The following LMNTD1 variants were observed in gnomAD, a reference collection of about 807,000 sequenced individuals.
LMNTD1 encodes lamin tail domain containing 1, also known as lamin tail domain-containing protein 1.
A neutral mutation model predicts 50.9 loss-of-function variants in LMNTD1; 35 were observed. That is an observed-to-expected ratio of 0.69 (90% CI 0.53 to 0.91). LMNTD1 has a LOEUF of 0.91. LMNTD1 is among the 40% of genes least tolerant of loss of function. The probability of loss-of-function intolerance (pLI) is 0.00; values close to 1 mark genes in which losing one functional copy is unlikely to be tolerated. For synonymous variants in LMNTD1, 153 were observed against 161.9 expected (o/e 0.94, Z 0.42); for missense variants, 470 against 475.5 (o/e 0.99, Z 0.11).
chr12:25,519,328 A>G (rs1591882082), intron 7 of LMNTD1, among the ~76,000 whole-genome samples: 4 of 150,886 alleles, frequency 2.7e-5, no homozygotes, highest in South Asian at 2.1e-4. Context: ...GCGGTGGCTC[A>G]CGCCTGTAAT....
intron 1 of LMNTD1, among the ~76,000 whole-genome samples, chr12:25,619,353 A>G (rs1408396186): frequency 6.6e-6 from 1 of 151,926 alleles, no homozygotes; most frequent in Admixed American, 6.6e-5. Flanking sequence ...AAGATTATCA[A>G]TTTGACTTAA....
At chr12:25,498,573 T>G (rs994433431) in intron 9 of LMNTD1, among the ~76,000 whole-genome samples, 11 of 152,168 alleles carry the variant, frequency 7.2e-5, no homozygotes, top group African/African-American at 2.7e-4. Context: ...AGTTGTAGAC[T>G]TGATAGTTGG....
chr12:25,536,591 T>C (rs1942590799), intron 4 of LMNTD1, among the ~76,000 whole-genome samples: 1 of 152,168 alleles, frequency 6.6e-6, no homozygotes, highest in African/African-American at 2.4e-5. Context: ...AAGCTGTACT[T>C]AGAGGAAAGT....
chr12:25,616,093 A>AACACACACAC (rs10564512), intron 1 of LMNTD1, among the ~76,000 whole-genome samples: 20 of 148,610 alleles, frequency 1.3e-4, no homozygotes, highest in African/African-American at 4.7e-4. Context: ...ACACACACAT[A>AACACACACAC]ACACACACAC....
chr12:25,514,397 A>C (rs1488655817), intron 8 of LMNTD1, among the ~76,000 whole-genome samples: 2 of 152,204 alleles, frequency 1.3e-5, no homozygotes, highest in Admixed American at 1.3e-4. Flanking sequence ...TGGAAAAACT[A>C]TCATAAATAA....
At chr12:25,554,935 G>A (rs190653218), upstream of LMNTD1, among the ~76,000 whole-genome samples, 5 of 152,028 alleles carry the variant, frequency 3.3e-5, no homozygotes, top group East Asian at 1.9e-4. Context: ...GTGTGGTGGC[G>A]GGTGCCTGTA....
At chr12:25,543,099 CTAATATCTATTTAAAAA>C (rs1943206912) in intron 4 of LMNTD1, among the ~76,000 whole-genome samples, 1 of 151,834 alleles carries the variant, frequency 6.6e-6, no homozygotes, top group Non-Finnish European at 1.5e-5. Flanking sequence ...TTAGAATAGC[CTAATATCTATTTAAAAA>C]CAATTTATAG....
chr12:25,571,099 AT>A (rs1944769051), intron 1 of LMNTD1, among the ~76,000 whole-genome samples: 1 of 152,250 alleles, frequency 6.6e-6, no homozygotes, highest in East Asian at 1.9e-4. Flanking sequence ...ATCCTTAGTA[AT>A]TTTTAACAAG....
chr12:25,546,222 T>C, intron 4 of LMNTD1, 152 bp downstream of exon 4: 1 of 399,980 alleles, frequency 2.5e-6, no homozygotes, highest in East Asian at 3.8e-5. Flanking sequence ...TTTATTTTAA[T>C]TGCTCAGAAG....
intron 1 of LMNTD1, among the ~76,000 whole-genome samples, chr12:25,601,971 T>A (rs1945988877): frequency 6.6e-6 from 1 of 151,978 alleles, no homozygotes; most frequent in Non-Finnish European, 1.5e-5. Flanking sequence ...AAATGTACAA[T>A]AAATTATTGT....
chr12:25,617,659 C>T (rs1946377023), intron 1 of LMNTD1, among the ~76,000 whole-genome samples: 1 of 152,180 alleles, frequency 6.6e-6, no homozygotes, highest in African/African-American at 2.4e-5. Context: ...ATTTCCTTAA[C>T]ATAATAAAAT....
intron 1 of LMNTD1, among the ~76,000 whole-genome samples, chr12:25,615,129 G>T (rs1224270712): frequency 6.6e-6 from 1 of 152,156 alleles, no homozygotes; most frequent in African/African-American, 2.4e-5. Context: ...ACAAAATGAG[G>T]CTCAGCTAAA....
chr12:25,521,806 G>A (rs534867598), intron 6 of LMNTD1, among the ~76,000 whole-genome samples: 2 of 152,148 alleles, frequency 1.3e-5, no homozygotes, highest in Non-Finnish European at 2.9e-5. Flanking sequence ...AAGAAAACAC[G>A]TTCTTCAGGC....
At chr12:25,493,495 A>G (rs764883244) in intron 9 of LMNTD1, among the ~76,000 whole-genome samples, 2 of 152,310 alleles carry the variant, frequency 1.3e-5, no homozygotes, top group Non-Finnish European at 2.9e-5. Context: ...CCTTGTTTCA[A>G]TTAAATTCAC....
rs199777995 is a variant in LMNTD1, at chr12:25,622,463, G to GCC, written c.58+26029_58+26030dup. ...GTTGCCCTTGACCTTGAGTTTGTGA[G>GCC]CCCGCCCCCCCCCGCAAAATAATAT... On this transcript the variant is annotated intron_variant, in intron 1 of 7. Transcript: ENST00000445693. Among the ~76,000 whole-genome samples the GCC allele has an allele frequency of 4.9e-3, 548 of 110,710 alleles. 7 individuals are homozygous for GCC. The highest frequency in any genetic ancestry group is 6.8e-3 in the South Asian group (23 of 3,374). 72.6% of individuals were successfully genotyped at this position (110,710 alleles called of 152,430 possible).
At chr12:25,572,822 T>C (rs1033257681) in intron 1 of LMNTD1, among the ~76,000 whole-genome samples, 13 of 139,618 alleles carry the variant, frequency 9.3e-5, no homozygotes, top group African/African-American at 2.8e-4. Flanking sequence ...CTCCCTCCCT[T>C]CCTTCTGCCA....
intron 4 of LMNTD1, among the ~76,000 whole-genome samples, chr12:25,538,936 A>G (rs1942840828): frequency 1.4e-5 from 2 of 146,144 alleles, no homozygotes; most frequent in South Asian, 2.2e-4. Flanking sequence ...AGTCTCTGAT[A>G]AAACAGACTT....
chr12:25,647,375 GC>G (rs1947095738), intron 1 of LMNTD1, among the ~76,000 whole-genome samples: 2 of 152,256 alleles, frequency 1.3e-5, no homozygotes, highest in South Asian at 4.1e-4. Flanking sequence ...GTCCTTCCCA[GC>G]TGCTCTGAAG....
At chr12:25,597,937 A>C (rs1045678945) in intron 1 of LMNTD1, among the ~76,000 whole-genome samples, 1 of 152,106 alleles carries the variant, frequency 6.6e-6, no homozygotes, top group Non-Finnish European at 1.5e-5. Flanking sequence ...TTGTTGTGGG[A>C]GGAGCTCAGT....
Sources: allele counts gnomAD v4.1 joint callset (sites outside exome capture counted in the v4.1 genomes callset), GRCh38; gene constraint gnomAD v4.1.1; transcripts MANE v1.5; gene names NCBI Gene and HGNC (gene_info 2026-07-23, HGNC 2026-07-21).